Variants in PCDH1 observed in about 807,000 individuals in gnomAD.
PCDH1 encodes protocadherin 1.
In PCDH1, 23 loss-of-function variants were observed where a neutral mutation model predicts 74.6. The observed-to-expected ratio is 0.31, with a 90% CI of 0.22 to 0.44. PCDH1 has a LOEUF of 0.44. Ranked by LOEUF, PCDH1 falls within the 20% of genes least tolerant of loss-of-function variation. The pLI is 1.00. For synonymous variants in PCDH1, 647 were observed against 686.1 expected, an observed-to-expected ratio of 0.94 and a Z score of 0.89; for missense variants, 1,214 against 1,641.4, an observed-to-expected ratio of 0.74 and a Z score of 4.50.
chr5:141,863,753 C>T lies in PCDH1; in HGVS notation c.2578G>A (p.Gly860Ser). The T allele has an allele frequency of 6.2e-7, 1 of 1,614,202 alleles. No individual in the cohort carries two copies. Among genetic ancestry groups the T allele is most frequent in the Non-Finnish European group, 8.5e-7 (1 of 1,180,030 alleles). Residue 860 changes from glycine (G) to serine (S), a missense_variant, in exon 3 of 5, where the codon GGT becomes AGT. By Grantham distance (56) the Gly-to-Ser change is moderately conservative (BLOSUM62 0). Coordinates refer to ENST00000287008, the MANE Select transcript of PCDH1 (RefSeq NM_032420.5). This position sits in a 1 kb window ranked among gnomAD's most constrained non-coding sequence, Gnocchi z 7.5. ...RGNILFGVVAGVVAVALLIAL... is the reference protein window; with the variant it reads ...RGNILFGVVASVVAVALLIAL... ...ATGAGCAAGGCCACGGCCACCACAC[C>T]AGCCACCACACCAAAGAGAATGTTG...
intron 3 of PCDH1, 23 bp from the exon 4 acceptor site, chr5:141,857,494 T>A (rs1752398044): frequency 6.2e-7 from 1 of 1,604,006 alleles, no homozygotes; most frequent in Non-Finnish European, 8.5e-7. Context: ...AGATTGTCAC[T>A]ACTGACCAGC....
At chr5:141,876,023 G>A (rs1753219522) in intron 1 of PCDH1, among the ~76,000 whole-genome samples, 1 of 152,220 alleles carries the variant, frequency 6.6e-6, no homozygotes, top group South Asian at 2.1e-4. Context: ...TGCACGAAGC[G>A]ACCCAAGCAG....
rs545671142 is a variant in PCDH1, at chr5:141,854,379, T to G, written c.3377A>C (p.Glu1126Ala). Reference protein sequence around the residue: ...MTGTCTRECSEFGHSDTCWMP... With the variant: ...MTGTCTRECSAFGHSDTCWMP... ...CCAGCATGTGTCAGAGTGGCCAAAC[T>G]CACTGCACTCCCGGGTACATGTGCC... The change falls in exon 5 of 5, where the codon GAG (glutamate) becomes GCG (alanine). Residue 1126 changes from glutamate (E) to alanine (A), a missense_variant. Transcript: ENST00000287008. 8 of 1,613,340 alleles carry G rather than the reference T, an allele frequency of 5.0e-6. No individual in the cohort carries two copies. The Admixed American group carries it at 1.2e-4, about 24-fold the overall frequency.
In PCDH1 at chr5:141,869,447, G is replaced by A. The variant is rs1386374951; in HGVS notation, c.41-16C>T. On this transcript the variant is annotated splice_polypyrimidine_tract_variant and intron_variant, in intron 1 of 4. Coordinates refer to ENST00000287008, the MANE Select transcript of PCDH1 (RefSeq NM_032420.5). The surrounding 1 kb of genome is among the most constrained non-coding windows in gnomAD (Gnocchi z 4.9). ...ATCAGGAGGGCTGCAAGGGGAAGAGGCAAAACAGAGGCCATGAGCTGGGAA... is the reference window on the plus strand; with the variant it reads ...ATCAGGAGGGCTGCAAGGGGAAGAGACAAAACAGAGGCCATGAGCTGGGAA... 1 of 1,594,684 alleles carries A rather than the reference G, an allele frequency of 6.3e-7. No homozygotes were observed. The highest frequency in any genetic ancestry group is 8.5e-7 in the Non-Finnish European group (1 of 1,178,180).
At chr5:141,870,281 C>T (rs187560945) in intron 1 of PCDH1, among the ~76,000 whole-genome samples, 60 of 152,342 alleles carry the variant, frequency 3.9e-4, no homozygotes, top group Non-Finnish European at 1.6e-4. Flanking sequence ...AGAGCATGCA[C>T]ACATGCCCCA....
At position 141,868,383 on chromosome 5, in the gene PCDH1, A is replaced by G. The variant is rs1408750446; in HGVS notation, c.903+186T>C. On this transcript the variant is annotated intron_variant, in intron 2 of 4. Transcript: ENST00000287008. The surrounding 1 kb of genome is among the most constrained non-coding windows in gnomAD (Gnocchi z 4.8). ...CACTGTCACCTAAGTAGCCTGATAGAGGAAAGTAATATCACCTGCTGGGGT... is the reference window on the plus strand; with the variant it reads ...CACTGTCACCTAAGTAGCCTGATAGGGGAAAGTAATATCACCTGCTGGGGT... 1.8e-5 allele frequency: 25 copies of G among 1,366,524 alleles called. No individual in the cohort carries two copies. The highest frequency in any genetic ancestry group is 2.1e-5 in the Non-Finnish European group (22 of 1,065,562). The allele number at this position is 1,366,524 out of a possible 1,614,324, so 84.6% of individuals were successfully genotyped here.
intron 2 of PCDH1, among the ~76,000 whole-genome samples, chr5:141,867,019 C>T (rs908222768): frequency 6.6e-6 from 1 of 152,222 alleles, no homozygotes; most frequent in African/African-American, 2.4e-5. Flanking sequence ...CTGGTCTCTG[C>T]TCACATCTCT....
rs1753296003 is a variant in PCDH1, at chr5:141,878,328, C to T, written c.-66G>A. 6 of 1,088,314 alleles carry T rather than the reference C, an allele frequency of 5.5e-6. No individual in the cohort carries two copies. Among genetic ancestry groups the T allele is most frequent in the Admixed American group, 4.6e-5 (1 of 21,610 alleles). 67.4% of individuals were successfully genotyped at this position (1,088,314 alleles called of 1,614,324 possible). Reference sequence around the variant, plus strand: ...GCTGGGGCTGGAGCTGCAGTTCGGGCTCCGGCTCCGGCTCCGGCTGGCTCT... The same window carrying T: ...GCTGGGGCTGGAGCTGCAGTTCGGGTTCCGGCTCCGGCTCCGGCTGGCTCT... On this transcript the variant is annotated 5_prime_UTR_variant, in exon 1 of 5. Coordinates refer to ENST00000287008, the MANE Select transcript of PCDH1 (RefSeq NM_032420.5). This position sits in a 1 kb window ranked among gnomAD's most constrained non-coding sequence, Gnocchi z 5.5.
In PCDH1 at chr5:141,869,905, C is replaced by G; in HGVS notation, c.41-474G>C. ...TCGAGCATCCCCAACTGGAGCACCC[C>G]TCCCCACATGCATGGTAGGAAAGAG... On this transcript the variant is annotated intron_variant, in intron 1 of 4. Transcript: ENST00000287008. The surrounding 1 kb of genome is among the most constrained non-coding windows in gnomAD (Gnocchi z 4.9). 1.7e-6 allele frequency: 1 copy of G among 586,304 alleles called. No individual in the cohort carries two copies. Among genetic ancestry groups the G allele is most frequent in the African/African-American group, 2.0e-5 (1 of 49,692 alleles). The allele number at this position is 586,304 out of a possible 1,614,324, so 36.3% of individuals were successfully genotyped here. A position where few individuals can be genotyped will look rare whatever the true frequency, so the allele number is the denominator to read the frequency against.
At position 141,874,281 on chromosome 5, in the gene PCDH1, C is replaced by A. The variant is rs187022912; in HGVS notation, c.40+3942G>T. On this transcript the variant is annotated intron_variant, in intron 1 of 4. Coordinates refer to ENST00000287008, the MANE Select transcript of PCDH1 (RefSeq NM_032420.5). ...AGGAGCAGCAATAAGGAGGCCTTCC[C>A]TCACCCGTGTTCCCACCATCTCTGA... Among the ~76,000 whole-genome samples, 32 of 152,348 alleles carry A rather than the reference C, an allele frequency of 2.1e-4. No individual in the cohort carries two copies. In the East Asian group the frequency reaches 4.0e-3, roughly 19 times the overall value.
rs1250907913 is a variant in PCDH1, at chr5:141,866,045, TG to T, written c.904-619del. On this transcript the variant is annotated intron_variant, in intron 2 of 4. Coordinates refer to ENST00000287008, the MANE Select transcript of PCDH1 (RefSeq NM_032420.5). Reference sequence around the variant, plus strand: ...AGGTATATGTGTTTGTGCATATGTGTGTTTGCACACATGAGTAAAGACTCAC... The same window carrying T: ...AGGTATATGTGTTTGTGCATATGTGTTTTGCACACATGAGTAAAGACTCAC... 2.0e-5 allele frequency: 20 copies of T among 986,912 alleles called. No individual in the cohort carries two copies. The Admixed American group carries it at 9.6e-4, about 48-fold the overall frequency. 61.1% of individuals were successfully genotyped at this position (986,912 alleles called of 1,614,324 possible).
At position 141,868,927 on chromosome 5, in the gene PCDH1, T is replaced by A; in HGVS notation, c.545A>T (p.Asn182Ile). Reference sequence around the variant, plus strand: ...CGGGATGGGGAAGAGTGAGCCGATGTTGGTGTTCTCAGGGATGGCCAGAGT... The same window carrying A: ...CGGGATGGGGAAGAGTGAGCCGATGATGGTGTTCTCAGGGATGGCCAGAGT... ...VITLAIPENT[N>I]IGSLFPIPLA... The change falls in exon 2 of 5, where the codon AAC (asparagine) becomes ATC (isoleucine). Residue 182 changes from asparagine to isoleucine, a missense_variant. Physicochemically the swap from Asn to Ile is moderately radical, Grantham distance 149. This residue lies in a region of PCDH1 where 97 missense variants were observed against 173.2 expected (regional missense o/e 0.56). Transcript: ENST00000287008. The surrounding 1 kb of genome is among the most constrained non-coding windows in gnomAD (Gnocchi z 4.8). 6.2e-7 allele frequency: 1 copy of A among 1,614,218 alleles called. No individual in the cohort carries two copies. Among genetic ancestry groups the A allele is most frequent in the Non-Finnish European group, 8.5e-7 (1 of 1,180,040 alleles).
chr5:141,861,943 A>G (rs751286638), intron 3 of PCDH1, among the ~76,000 whole-genome samples: 5 of 152,042 alleles, frequency 3.3e-5, no homozygotes, highest in Non-Finnish European at 7.4e-5. Context: ...TCACAGGCGG[A>G]AGGCAGAACT....
At chr5:141,866,027 T>A (rs184615177) in intron 2 of PCDH1, 2 of 989,592 alleles carry the variant, frequency 2.0e-6, no homozygotes, top group East Asian at 2.2e-4. Context: ...AGAAGGTATA[T>A]GTGTTTGTGC....
intron 4 of PCDH1, 125 bp from the exon 5 acceptor site, chr5:141,854,561 TG>T: frequency 2.1e-6 from 2 of 974,756 alleles, no homozygotes; most frequent in Non-Finnish European, 2.9e-6. Context: ...TCCTGACCGC[TG>T]AACTCACAGG....
intron 4 of PCDH1, among the ~76,000 whole-genome samples, chr5:141,856,947 T>G (rs1227551178): frequency 6.6e-6 from 1 of 152,160 alleles, no homozygotes; most frequent in Non-Finnish European, 1.5e-5. Flanking sequence ...GCAACAGCTT[T>G]GGAGTCAGAG....
chr5:141,877,821 A>T (rs1316412483), intron 1 of PCDH1, among the ~76,000 whole-genome samples: 1 of 152,130 alleles, frequency 6.6e-6, no homozygotes, highest in Non-Finnish European at 1.5e-5. Context: ...GTGTGTATGT[A>T]TGTGTTGTGG....
intron 2 of PCDH1, among the ~76,000 whole-genome samples, chr5:141,867,026 C>A (rs1456513172): frequency 6.6e-6 from 1 of 152,224 alleles, no homozygotes; most frequent in Admixed American, 6.5e-5. Flanking sequence ...CTGCTCACAT[C>A]TCTGAGTGCC....
In PCDH1 at chr5:141,864,407, C is replaced by T; in HGVS notation, c.1924G>A (p.Gly642Arg). 1 of 1,614,150 alleles carries T rather than the reference C, an allele frequency of 6.2e-7. No homozygotes were observed. Reference protein sequence around the residue: ...GMVTVIDGDKGENAQVQLSVE... With the variant: ...GMVTVIDGDKRENAQVQLSVE... Reference sequence around the variant, plus strand: ...GAGAGCTGCACCTGGGCATTCTCCCCCTTGTCTCCATCAATGACAGTCACC... The same window carrying T: ...GAGAGCTGCACCTGGGCATTCTCCCTCTTGTCTCCATCAATGACAGTCACC... Residue 642 changes from glycine (G) to arginine (R), a missense_variant, in exon 3 of 5, where the codon GGG becomes AGG. By Grantham distance (125) the Gly-to-Arg change is moderately radical. Transcript: ENST00000287008. This position sits in a 1 kb window ranked among gnomAD's most constrained non-coding sequence, Gnocchi z 5.9.
Sources: gnomAD v4.1 joint callset for allele counts (sites outside exome capture counted in the v4.1 genomes callset) on GRCh38, gnomAD v4.1.1 for gene constraint, gnomAD v4.1.1 regional missense constraint, Gnocchi (gnomAD v3.1) non-coding constraint, MANE v1.5 for transcripts, NCBI Gene and HGNC (gene_info 2026-07-23, HGNC 2026-07-21) for gene names.